Variants in DOCK3 observed in about 807,000 individuals in gnomAD.
DOCK3 encodes the protein dedicator of cytokinesis protein 3.
A neutral mutation model predicts 265.6 loss-of-function variants in DOCK3; 60 were observed. The observed-to-expected ratio is 0.23, with a 90% CI of 0.18 to 0.28. The LOEUF (loss-of-function observed/expected upper bound fraction) is 0.28, where lower values mean the gene tolerates loss of function less well. Ranked by LOEUF, DOCK3 falls within the 10% of genes least tolerant of loss-of-function variation. The probability of loss-of-function intolerance (pLI) is 1.00; values close to 1 mark genes in which losing one functional copy is unlikely to be tolerated. For missense variants in DOCK3, 1,981 were observed against 2,594.3 expected (o/e 0.76, Z 5.14); for synonymous variants, 881 against 938.0 (o/e 0.94, Z 1.11).
chr3:51,280,308 C>T, intron 27 of DOCK3, 104 bp downstream of exon 27: 1 of 1,075,990 alleles, frequency 9.3e-7, no homozygotes. Flanking sequence ...CTAGCATTGC[C>T]ACGGGTGTAG....
chr3:50,812,208 C>T (rs1402293012), intron 2 of DOCK3, among the ~76,000 whole-genome samples: 1 of 152,102 alleles, frequency 6.6e-6, no homozygotes, highest in Admixed American at 6.5e-5. Context: ...AGAAACTTGC[C>T]AGAGAATAAG....
chr3:51,084,198 G>C (rs1279060897), intron 7 of DOCK3, among the ~76,000 whole-genome samples: 2 of 152,028 alleles, frequency 1.3e-5, no homozygotes, highest in African/African-American at 4.8e-5. Flanking sequence ...AACTTCACAA[G>C]TCTTGCAAGA....
intron 1 of DOCK3, among the ~76,000 whole-genome samples, chr3:50,694,009 C>T (rs1470692413): frequency 6.6e-6 from 1 of 152,082 alleles, no homozygotes; most frequent in African/African-American, 2.4e-5. Flanking sequence ...TGGCTCACGC[C>T]TGTAATCCCA....
intron 46 of DOCK3, 60 bp downstream of exon 46, chr3:51,358,137 C>T (rs1282126306): frequency 2.6e-6 from 4 of 1,563,526 alleles, no homozygotes; most frequent in South Asian, 1.1e-5. Flanking sequence ...TCCTCCAGAC[C>T]TACGCCACAA....
chr3:50,727,721 G>C lies in DOCK3; in HGVS notation c.38-50954G>C, dbSNP rs562280599. Among the ~76,000 whole-genome samples the C allele has an allele frequency of 1.4e-3, 213 of 152,056 alleles. 1 individual carries two copies. Among genetic ancestry groups the C allele is most frequent in the Middle Eastern group, 0.014 (4 of 294 alleles). Reference sequence around the variant, plus strand: ...AACAAAACAAAACAAAACAAAAAAGGATGAAAGGGTCAATTTATTGAAGAT... The same window carrying C: ...AACAAAACAAAACAAAACAAAAAAGCATGAAAGGGTCAATTTATTGAAGAT... On this transcript the variant is annotated intron_variant, in intron 1 of 52. Coordinates refer to ENST00000266037, the MANE Select transcript of DOCK3 (RefSeq NM_004947.5).
At chr3:50,786,569 C>G (rs2042194167) in intron 2 of DOCK3, 2 of 499,372 alleles carry the variant, frequency 4.0e-6, no homozygotes, top group South Asian at 1.9e-5. Context: ...GTTAATGATG[C>G]TGTGCTGAAC....
intron 12 of DOCK3, among the ~76,000 whole-genome samples, chr3:51,199,694 C>G (rs1171814965): frequency 6.6e-6 from 1 of 152,210 alleles, no homozygotes; most frequent in Non-Finnish European, 1.5e-5. Context: ...CAGTGGTTCT[C>G]CCAGCACGCA....
chr3:50,712,398 C>T lies in DOCK3; in HGVS notation c.37+37098C>T, dbSNP rs1275294494. Among the ~76,000 whole-genome samples, 3 of 152,298 alleles carry T rather than the reference C, an allele frequency of 2.0e-5. No individual in the cohort carries two copies. In the East Asian group the frequency reaches 5.8e-4, roughly 29 times the overall value. On this transcript the variant is annotated intron_variant, in intron 1 of 52. Transcript: ENST00000266037. ...TGTTGCCCAGGCTGTAGTGCAGTGG[C>T]ATGATCTCGGCTCACTGCAACCTCT...
chr3:51,254,250 G>A (rs2079422808), intron 22 of DOCK3, among the ~76,000 whole-genome samples: 2 of 152,134 alleles, frequency 1.3e-5, no homozygotes, highest in Non-Finnish European at 2.9e-5. Flanking sequence ...TAAAATTTCT[G>A]TTCTTTTACA....
intron 5 of DOCK3, among the ~76,000 whole-genome samples, chr3:50,988,649 C>T (rs1044468695): frequency 6.6e-6 from 1 of 152,166 alleles, no homozygotes; most frequent in Admixed American, 6.5e-5. Flanking sequence ...GCAACTGGCC[C>T]CTGTCTCCCT....
chr3:51,342,436 G>C (rs539861246), intron 38 of DOCK3, among the ~76,000 whole-genome samples: 1 of 152,224 alleles, frequency 6.6e-6, no homozygotes. Flanking sequence ...GGTCCTTGCT[G>C]ATCCAGCGCC....
At position 51,048,756 on chromosome 3, in the gene DOCK3, G is replaced by A. The variant is rs1387386768; in HGVS notation, c.316-15692G>A. On this transcript the variant is annotated intron_variant, in intron 5 of 52. Transcript: ENST00000266037. ...GTAAGTACTTAACAGTAAAAACTATGGGAGGCTGAGGCAGGAGAATGGTGT... is the reference window on the plus strand; with the variant it reads ...GTAAGTACTTAACAGTAAAAACTATAGGAGGCTGAGGCAGGAGAATGGTGT... 3.3e-5 allele frequency among the ~76,000 whole-genome samples: 5 copies of A among 152,048 alleles called. 1 individual carries two copies. Among genetic ancestry groups the A allele is most frequent in the African/African-American group, 1.2e-4 (5 of 41,404 alleles).
At chr3:50,967,716 G>T (rs1366282177) in intron 5 of DOCK3, among the ~76,000 whole-genome samples, 1 of 152,166 alleles carries the variant, frequency 6.6e-6, no homozygotes, top group Non-Finnish European at 1.5e-5. Flanking sequence ...GAAGGAGGGA[G>T]TCCCTTATAA....
At chr3:50,833,498 T>C (rs1273231779) in intron 2 of DOCK3, among the ~76,000 whole-genome samples, 7 of 152,192 alleles carry the variant, frequency 4.6e-5, no homozygotes, top group African/African-American at 1.7e-4. Context: ...GATAAAACTT[T>C]TTTTAAAAGC....
intron 6 of DOCK3, among the ~76,000 whole-genome samples, chr3:51,074,975 C>G (rs2082005985): frequency 6.6e-6 from 1 of 151,960 alleles, no homozygotes; most frequent in African/African-American, 2.4e-5. Flanking sequence ...TTTTTTCATC[C>G]TAATGAAACT....
At chr3:50,979,737 C>T (rs898604867) in intron 5 of DOCK3, among the ~76,000 whole-genome samples, 2 of 152,146 alleles carry the variant, frequency 1.3e-5, no homozygotes, top group Admixed American at 6.5e-5. Flanking sequence ...ATTGCTTTCT[C>T]GATTTCTTCT....
At chr3:51,053,114 T>TATATAGATAGATAGATAGATAG (rs1559994239) in intron 5 of DOCK3, among the ~76,000 whole-genome samples, 1 of 125,564 alleles carries the variant, frequency 8.0e-6, no homozygotes, top group Admixed American at 7.8e-5. Context: ...TATATATATA[T>TATATAGATAGATAGATAGATAG]ATATATATGG....
At chr3:51,245,832 T>C (rs927041170) in intron 21 of DOCK3, among the ~76,000 whole-genome samples, 2 of 152,230 alleles carry the variant, frequency 1.3e-5, no homozygotes, top group African/African-American at 2.4e-5. Context: ...GTGCTTTATA[T>C]GCGTCTTTCT....
chr3:50,677,804 A>T (rs1160421061), intron 1 of DOCK3, among the ~76,000 whole-genome samples: 1 of 152,198 alleles, frequency 6.6e-6, no homozygotes, highest in African/African-American at 2.4e-5. Context: ...ATTTTTTATA[A>T]TATAGGAATT....
Sources: allele counts gnomAD v4.1 joint callset (sites outside exome capture counted in the v4.1 genomes callset), GRCh38; gene constraint gnomAD v4.1.1; transcripts MANE v1.5; gene names NCBI Gene and HGNC (gene_info 2026-07-23, HGNC 2026-07-21).